Variants in RSRC1 observed in about 807,000 individuals in gnomAD.
RSRC1 encodes the protein arginine and serine rich coiled-coil 1, also known as serine/Arginine-related protein 53.
RSRC1 carries 39 observed loss-of-function variants against 49.1 expected under a neutral mutation model. The observed-to-expected ratio is 0.79, with a 90% CI of 0.61 to 1.04. The LOEUF (loss-of-function observed/expected upper bound fraction) is 1.04, where lower values mean the gene tolerates loss of function less well. Among genes scored for constraint, RSRC1 ranks in the 50% least tolerant of loss-of-function variants. RSRC1 has a pLI of 0.00. For missense variants in RSRC1, 388 were observed against 402.4 expected (o/e 0.96, Z 0.31); for synonymous variants, 143 against 130.8 (o/e 1.09, Z -0.63).
chr3:158,297,215 C>T (rs1392149540), intron 4 of RSRC1, among the ~76,000 whole-genome samples: 4 of 151,764 alleles, frequency 2.6e-5, no homozygotes, highest in Admixed American at 2.6e-4. Flanking sequence ...ATGAGAAAAG[C>T]CAAAGTTCAT....
chr3:158,188,592 A>G (rs897478805), intron 3 of RSRC1, among the ~76,000 whole-genome samples: 26 of 151,938 alleles, frequency 1.7e-4, no homozygotes, highest in Admixed American at 1.3e-3. Flanking sequence ...CCTATTGCAT[A>G]GTATCTGAAT....
intron 4 of RSRC1, among the ~76,000 whole-genome samples, chr3:158,291,407 T>C (rs1249192531): frequency 1.3e-5 from 2 of 152,212 alleles, no homozygotes; most frequent in Non-Finnish European, 2.9e-5. Context: ...TTTGGCTTGC[T>C]CTTTGAAATG....
intron 3 of RSRC1, among the ~76,000 whole-genome samples, chr3:158,152,223 G>A (rs1717584758): frequency 6.6e-6 from 1 of 152,042 alleles, no homozygotes; most frequent in African/African-American, 2.4e-5. Context: ...TTCAGTTTTA[G>A]GGAATCATAA....
intron 6 of RSRC1, among the ~76,000 whole-genome samples, chr3:158,355,591 C>T (rs985825875): frequency 6.6e-6 from 1 of 151,854 alleles, no homozygotes; most frequent in African/African-American, 2.4e-5. Flanking sequence ...TCTCAAGGTA[C>T]TATAATGCTG....
intron 6 of RSRC1, among the ~76,000 whole-genome samples, chr3:158,425,190 T>C (rs1443432967): frequency 5.3e-5 from 8 of 152,038 alleles, no homozygotes; most frequent in Admixed American, 2.6e-4. Context: ...AATTTTGGAT[T>C]TTTCCTGCTT....
At chr3:158,371,868 A>G (rs865775807) in intron 6 of RSRC1, among the ~76,000 whole-genome samples, 1 of 151,812 alleles carries the variant, frequency 6.6e-6, no homozygotes, top group South Asian at 2.1e-4. Flanking sequence ...AATACTTTGT[A>G]TGGTTAGTTT....
intron 7 of RSRC1, among the ~76,000 whole-genome samples, chr3:158,476,406 G>C (rs1738369781): frequency 6.6e-6 from 1 of 152,188 alleles, no homozygotes. Context: ...CATAGGTAGA[G>C]AGGTGAAGTC....
chr3:158,120,943 A>G (rs1284562765), intron 1 of RSRC1, among the ~76,000 whole-genome samples: 1 of 151,432 alleles, frequency 6.6e-6, no homozygotes, highest in Non-Finnish European at 1.5e-5. Flanking sequence ...AAGACAACTA[A>G]GCTTCTTGTC....
At chr3:158,151,668 C>A (rs925392389) in intron 3 of RSRC1, among the ~76,000 whole-genome samples, 1 of 152,076 alleles carries the variant, frequency 6.6e-6, no homozygotes, top group Admixed American at 6.6e-5. Context: ...AATGCAGAAC[C>A]AGTATTCTTA....
intron 7 of RSRC1, among the ~76,000 whole-genome samples, chr3:158,467,171 T>C (rs1737928817): frequency 2.0e-5 from 3 of 152,200 alleles, no homozygotes; most frequent in Admixed American, 2.0e-4. Context: ...TAGTGACTTT[T>C]ATCAACTCAA....
At chr3:158,168,467 A>T (rs1295898806) in intron 3 of RSRC1, among the ~76,000 whole-genome samples, 1 of 152,264 alleles carries the variant, frequency 6.6e-6, no homozygotes, top group Non-Finnish European at 1.5e-5. Flanking sequence ...ATAGGAGAAC[A>T]AGAGTGGTTT....
At chr3:158,300,447 A>T (rs960241258) in intron 5 of RSRC1, among the ~76,000 whole-genome samples, 2 of 152,186 alleles carry the variant, frequency 1.3e-5, no homozygotes, top group East Asian at 3.8e-4. Context: ...CTTTCTAAAA[A>T]GGTTCATGCC....
At chr3:158,421,117 G>A (rs974192265) in intron 6 of RSRC1, among the ~76,000 whole-genome samples, 4 of 151,866 alleles carry the variant, frequency 2.6e-5, no homozygotes, top group African/African-American at 9.7e-5. Context: ...AATCAGGGAA[G>A]TCCCAGGCAA....
At chr3:158,494,769 CA>C (rs1370785525) in intron 7 of RSRC1, among the ~76,000 whole-genome samples, 1 of 152,062 alleles carries the variant, frequency 6.6e-6, no homozygotes, top group African/African-American at 2.4e-5. Flanking sequence ...TAAGCTTTCA[CA>C]GGGTCAGAAT....
chr3:158,390,391 A>C (rs1733211764), intron 6 of RSRC1, among the ~76,000 whole-genome samples: 2 of 152,188 alleles, frequency 1.3e-5, no homozygotes, highest in South Asian at 4.1e-4. Flanking sequence ...AGAAAGTAGG[A>C]CTGAGGGGCC....
At chr3:158,289,180 C>A (rs1178560886) in intron 4 of RSRC1, among the ~76,000 whole-genome samples, 1 of 152,076 alleles carries the variant, frequency 6.6e-6, no homozygotes, top group Admixed American at 6.6e-5. Flanking sequence ...CTACTGATGA[C>A]AAAATTTTAG....
At chr3:158,497,220 C>A (rs370075536) in intron 7 of RSRC1, among the ~76,000 whole-genome samples, 2 of 149,028 alleles carry the variant, frequency 1.3e-5, no homozygotes, top group Admixed American at 6.7e-5. Flanking sequence ...CCCCCTCCCC[C>A]CTAGCCCCTG....
rs1158541370 is a variant in RSRC1, at chr3:158,225,822, A to G, written c.494+22577A>G. 7.0e-5 allele frequency: 24 copies of G among 343,162 alleles called. No individual in the cohort carries two copies. In the Admixed American group the frequency reaches 8.3e-4, roughly 12 times the overall value. The allele number at this position is 343,162 out of a possible 1,614,324, so 21.3% of individuals were successfully genotyped here. ...AAAATAAGGACTACTTGATAGCATTATATCAGTCAGAGTCCAACCTGGAAG... is the reference window on the plus strand; with the variant it reads ...AAAATAAGGACTACTTGATAGCATTGTATCAGTCAGAGTCCAACCTGGAAG... On this transcript the variant is annotated intron_variant, in intron 4 of 9. Coordinates refer to ENST00000611884, the MANE Select transcript of RSRC1 (RefSeq NM_001271838.2).
chr3:158,390,530 T>C (rs1205205120), intron 6 of RSRC1, among the ~76,000 whole-genome samples: 1 of 152,188 alleles, frequency 6.6e-6, no homozygotes, highest in Non-Finnish European at 1.5e-5. Flanking sequence ...TAAGTACATA[T>C]TCCTTTTTGT....
Sources: gnomAD v4.1 joint callset for allele counts (sites outside exome capture counted in the v4.1 genomes callset) on GRCh38, gnomAD v4.1.1 for gene constraint, MANE v1.5 for transcripts, NCBI Gene and HGNC (gene_info 2026-07-23, HGNC 2026-07-21) for gene names.